Variants in SRD5A2 observed in about 807,000 individuals in gnomAD.
SRD5A2 encodes the protein 3-oxo-5-alpha-steroid 4-dehydrogenase 2.
In SRD5A2, 30 loss-of-function variants were observed where a neutral mutation model predicts 27.4. That is an observed-to-expected ratio of 1.10 (90% CI 0.82 to 1.49). The LOEUF (loss-of-function observed/expected upper bound fraction) is 1.49, where lower values mean the gene tolerates loss of function less well. Ranked by LOEUF, SRD5A2 falls within the 40% of genes most tolerant of loss-of-function variation. The pLI is 0.00. For missense variants in SRD5A2, 348 were observed against 323.4 expected, an observed-to-expected ratio of 1.08 and a Z score of -0.58; for synonymous variants, 141 against 133.6, an observed-to-expected ratio of 1.06 and a Z score of -0.38.
At chr2:31,529,536 T>C in intron 3 of SRD5A2, 79 bp from the exon 4 acceptor site, 3 of 1,542,836 alleles carry the variant, frequency 1.9e-6, no homozygotes, top group African/African-American at 1.4e-5. Context: ...TGTTCCAAAA[T>C]ACACAAAGGC....
chr2:31,551,280 A>AAATGAC (rs1302279368), intron 1 of SRD5A2, among the ~76,000 whole-genome samples: 5 of 152,128 alleles, frequency 3.3e-5, no homozygotes, highest in African/African-American at 1.2e-4. Context: ...TTCTCCCCCA[A>AAATGAC]AATGACAATG....
intron 1 of SRD5A2, among the ~76,000 whole-genome samples, chr2:31,552,639 A>T (rs1666403292): frequency 6.6e-6 from 1 of 152,152 alleles, no homozygotes; most frequent in South Asian, 2.1e-4. Context: ...GAAGAATGCC[A>T]GTCCCTGTTC....
intron 3 of SRD5A2, among the ~76,000 whole-genome samples, chr2:31,529,754 G>C (rs950963577): frequency 7.2e-5 from 11 of 152,148 alleles, no homozygotes; most frequent in African/African-American, 2.7e-4. Flanking sequence ...ATAAGGGAGA[G>C]GTGTAGGAGG....
At chr2:31,589,576 G>A in the SRD5A2 span, among the ~76,000 whole-genome samples, 3 of 152,324 alleles carry the variant, frequency 2.0e-5, no homozygotes, top group East Asian at 1.9e-4. Flanking sequence ...GAGGCCTTGT[G>A]CCGAGGCCTG....
At chr2:31,572,778 G>T (rs1460694834) in intron 1 of SRD5A2, among the ~76,000 whole-genome samples, 1 of 152,074 alleles carries the variant, frequency 6.6e-6, no homozygotes, top group Non-Finnish European at 1.5e-5. Context: ...GTCTATACAT[G>T]AAAAAAGATC....
At chr2:31,573,885 G>T (rs947157213) in intron 1 of SRD5A2, among the ~76,000 whole-genome samples, 2 of 152,136 alleles carry the variant, frequency 1.3e-5, no homozygotes, top group African/African-American at 4.8e-5. Context: ...CCCCAAACCA[G>T]CTTTACCAGT....
the SRD5A2 span, among the ~76,000 whole-genome samples, chr2:31,639,968 T>A: frequency 1.3e-5 from 2 of 152,120 alleles, no homozygotes; most frequent in African/African-American, 4.8e-5. Flanking sequence ...TTGAACACCA[T>A]TAATTCTTAG....
the SRD5A2 span, among the ~76,000 whole-genome samples, chr2:31,611,508 C>G: frequency 3.5e-4 from 53 of 152,158 alleles, no homozygotes; most frequent in African/African-American, 1.3e-3. Flanking sequence ...TTTTGAAAAC[C>G]ATTAGCCCTA....
chr2:31,568,121 T>C (rs1666773482), intron 1 of SRD5A2, among the ~76,000 whole-genome samples: 1 of 152,176 alleles, frequency 6.6e-6, no homozygotes, highest in South Asian at 2.1e-4. Context: ...GAAGGGAACA[T>C]GGTGGTGCCT....
the SRD5A2 span, among the ~76,000 whole-genome samples, chr2:31,608,671 A>G: frequency 6.6e-6 from 1 of 152,042 alleles, no homozygotes; most frequent in African/African-American, 2.4e-5. Context: ...CATTTACAAT[A>G]GCACCAAACA....
At chr2:31,571,655 A>C (rs1451731432) in intron 1 of SRD5A2, among the ~76,000 whole-genome samples, 1 of 152,216 alleles carries the variant, frequency 6.6e-6, no homozygotes, top group Non-Finnish European at 1.5e-5. Context: ...ATCTATAAGG[A>C]ATTTAAACTA....
the SRD5A2 span, among the ~76,000 whole-genome samples, chr2:31,587,300 T>C: frequency 6.6e-6 from 1 of 152,134 alleles, no homozygotes; most frequent in Admixed American, 6.5e-5. Context: ...TTTTACATTG[T>C]TGGTGGGAGT....
chr2:31,591,871 G>A, the SRD5A2 span, among the ~76,000 whole-genome samples: 1 of 138,274 alleles, frequency 7.2e-6, no homozygotes, highest in Non-Finnish European at 1.5e-5. Flanking sequence ...TTCACTCATA[G>A]GTGGGAATTG....
chr2:31,640,672 AC>A, the SRD5A2 span, among the ~76,000 whole-genome samples: 171 of 152,004 alleles, frequency 1.1e-3, 1 homozygote, highest in African/African-American at 3.9e-3. Flanking sequence ...ATGTTCAGGG[AC>A]CTGTGAACCA....
the SRD5A2 span, among the ~76,000 whole-genome samples, chr2:31,586,971 A>G: frequency 2.4e-4 from 36 of 152,256 alleles, no homozygotes; most frequent in Non-Finnish European, 1.5e-5. Flanking sequence ...AATCTCAAAG[A>G]AATTAAAGAT....
Position 31,526,100 on chromosome 2 carries a change from T to C in SRD5A2, c.*96A>G, listed in dbSNP as rs889790874. On this transcript the variant is annotated 3_prime_UTR_variant, in exon 5 of 5. Coordinates refer to ENST00000622030, the MANE Select transcript of SRD5A2 (RefSeq NM_000348.4). ...ACGCCAGGAGACCTACTATTACATA[T>C]ATACGGGACTATTATATCATGAAAA... The C allele has an allele frequency of 2.5e-6, 2 of 810,654 alleles. No homozygotes were observed. The highest frequency in any genetic ancestry group is 2.2e-5 in the Admixed American group (1 of 45,986). The allele number at this position is 810,654 out of a possible 1,614,324, so 50.2% of individuals were successfully genotyped here.
At chr2:31,653,033 T>C in the SRD5A2 span, among the ~76,000 whole-genome samples, 1 of 152,198 alleles carries the variant, frequency 6.6e-6, no homozygotes, top group Admixed American at 6.6e-5. Context: ...GTTCATCAAC[T>C]AAGAGCACCA....
At chr2:31,529,626 C>A (rs1451609202) in intron 3 of SRD5A2, among the ~76,000 whole-genome samples, 169 bp from the exon 4 acceptor site, 2 of 152,174 alleles carry the variant, frequency 1.3e-5, no homozygotes, top group African/African-American at 4.8e-5. Context: ...GAAGGGGAAA[C>A]AAAGCAACAA....
At chr2:31,623,749 T>C in the SRD5A2 span, among the ~76,000 whole-genome samples, 3 of 152,144 alleles carry the variant, frequency 2.0e-5, no homozygotes, top group African/African-American at 4.8e-5. Flanking sequence ...TTGTCATATA[T>C]GGCTTTTATT....
Sources: allele counts gnomAD v4.1 joint callset (sites outside exome capture counted in the v4.1 genomes callset), GRCh38; gene constraint gnomAD v4.1.1; transcripts MANE v1.5; gene names NCBI Gene and HGNC (gene_info 2026-07-23, HGNC 2026-07-21).